NKD2: variants seen among roughly 807,000 people sequenced by gnomAD.
NKD2 encodes the protein protein naked cuticle homolog 2.
A neutral mutation model predicts 34.8 loss-of-function variants in NKD2; 43 were observed. That is an observed-to-expected ratio of 1.24 (90% CI 0.97 to 1.60). NKD2 has a LOEUF of 1.60. Among genes scored for constraint, NKD2 ranks in the 40% most tolerant of loss-of-function variants. NKD2 has a pLI of 0.00. For missense variants in NKD2, 675 were observed against 627.1 expected (o/e 1.08, Z -0.82); for synonymous variants, 278 against 265.1 (o/e 1.05, Z -0.47).
rs1463986206 is a variant in NKD2, at chr5:1,009,516, C to T, written c.97C>T (p.Arg33Cys). The change falls in exon 3 of 10, where the codon CGC (arginine) becomes TGC (cysteine). Residue 33 changes from arginine (R) to cysteine (C), a missense_variant. By Grantham distance (180) the Arg-to-Cys change is radical. Coordinates refer to ENST00000296849, the MANE Select transcript of NKD2 (RefSeq NM_033120.4). The surrounding 1 kb of genome is among the most constrained non-coding windows in gnomAD (Gnocchi z 6.9). ...SFVASAYASG[R>C]KGAEEAERRA... ...CGTGGCGTCCGCGTACGCGAGCGGCCGCAAAGGCGCGGAGGAAGCGGAGCG... is the reference window on the plus strand; with the variant it reads ...CGTGGCGTCCGCGTACGCGAGCGGCTGCAAAGGCGCGGAGGAAGCGGAGCG... 4.7e-6 allele frequency: 7 copies of T among 1,496,604 alleles called. No homozygotes were observed. The highest frequency in any genetic ancestry group is 6.2e-6 in the Non-Finnish European group (7 of 1,131,804). 92.7% of individuals were successfully genotyped at this position (1,496,604 alleles called of 1,614,324 possible). A position where few individuals can be genotyped will look rare whatever the true frequency, so the allele number is the denominator to read the frequency against.
intron 8 of NKD2, among the ~76,000 whole-genome samples, 175 bp downstream of exon 8, chr5:1,035,648 C>T (rs1186991474): frequency 6.6e-6 from 1 of 152,258 alleles, no homozygotes; most frequent in Non-Finnish European, 1.5e-5. Flanking sequence ...ATCTGGCACC[C>T]TGGCTGAGCT....
At chr5:1,020,707 T>C (rs1301153614) in intron 3 of NKD2, among the ~76,000 whole-genome samples, 4 of 144,538 alleles carry the variant, frequency 2.8e-5, no homozygotes, top group African/African-American at 1.0e-4. Context: ...GTGTTTTACG[T>C]TGGGGTTTAT....
At chr5:1,010,674 G>A (rs1375525282) in intron 3 of NKD2, among the ~76,000 whole-genome samples, 1 of 152,196 alleles carries the variant, frequency 6.6e-6, no homozygotes, top group Non-Finnish European at 1.5e-5. Flanking sequence ...AGGTCATCCA[G>A]GGAGCTGTCC....
At position 1,020,186 on chromosome 5, in the gene NKD2, G is replaced by A. The variant is rs115087651; in HGVS notation, c.141+10626G>A. Among the ~76,000 whole-genome samples, 731 of 152,290 alleles carry A rather than the reference G, an allele frequency of 4.8e-3. 1 individual carries two copies. The highest frequency in any genetic ancestry group is 7.7e-3 in the Non-Finnish European group (525 of 68,026). ...AATGGTTGTCTAACATTCAGTGTCA[G>A]CACTTCAGGATGCTGAGAGTTGAAG... On this transcript the variant is annotated intron_variant, in intron 3 of 9. Coordinates refer to ENST00000296849, the MANE Select transcript of NKD2 (RefSeq NM_033120.4).
intron 3 of NKD2, among the ~76,000 whole-genome samples, chr5:1,027,675 C>G (rs965422840): frequency 2.0e-5 from 3 of 152,174 alleles, no homozygotes; most frequent in Admixed American, 2.0e-4. Context: ...CCCAGAGGGC[C>G]GTGACTTCAC....
Position 1,038,341 on chromosome 5 carries a change from C to G in NKD2, c.1324C>G (p.His442Asp), listed in dbSNP as rs1482361505. Reference sequence around the variant, plus strand: ...CCACCACCACCACGAGCACCACCACCACCACCACCACCACCACTTCCACCC... The same window carrying G: ...CCACCACCACCACGAGCACCACCACGACCACCACCACCACCACTTCCACCC... ...EHHHHHEHHH[H>D]HHHHHFHPS is the part of the protein sequence containing the mutation. Residue 442 changes from histidine to aspartate, a missense_variant, in exon 10 of 10, where the codon CAC becomes GAC. Transcript: ENST00000296849. This position sits in a 1 kb window ranked among gnomAD's most constrained non-coding sequence, Gnocchi z 4.5. 6.5e-7 allele frequency: 1 copy of G among 1,534,152 alleles called. No homozygotes were observed. Among genetic ancestry groups the G allele is most frequent in the Non-Finnish European group, 8.7e-7 (1 of 1,146,594 alleles).
At chr5:1,025,914 C>T (rs369102564) in intron 3 of NKD2, among the ~76,000 whole-genome samples, 1,875 of 14,806 alleles carry the variant, frequency 0.13, 2 homozygotes, top group Non-Finnish European at 0.27. Context: ...CCTCTGTGGG[C>T]GTCCCAGCCC....
chr5:1,011,884 G>A (rs890910214), intron 3 of NKD2, among the ~76,000 whole-genome samples: 2 of 152,236 alleles, frequency 1.3e-5, no homozygotes, highest in South Asian at 2.1e-4. Flanking sequence ...TGCTTTTGGC[G>A]GGACCCGCAC....
intron 3 of NKD2, among the ~76,000 whole-genome samples, chr5:1,028,322 G>A (rs1756507428): frequency 6.6e-6 from 1 of 152,216 alleles, no homozygotes; most frequent in Non-Finnish European, 1.5e-5. Flanking sequence ...TGTTGTTGAC[G>A]CCGTGTGACA....
In NKD2 at chr5:1,038,594, C is replaced by T. The variant is rs762275096; in HGVS notation, c.*221C>T. 7.9e-6 allele frequency: 7 copies of T among 884,806 alleles called. No individual in the cohort carries two copies. The South Asian group carries it at 1.0e-4, about 13-fold the overall frequency. 54.8% of individuals were successfully genotyped at this position (884,806 alleles called of 1,614,324 possible). The stretch of plus-strand genomic sequence containing the variant: ...CCCTCTGCTCTTCTGCCCTCGATGC[C>T]ACATGGCGGTGAACACATCTGAAGC... On this transcript the variant is annotated 3_prime_UTR_variant, in exon 10 of 10. Transcript: ENST00000296849. The surrounding 1 kb of genome is among the most constrained non-coding windows in gnomAD (Gnocchi z 4.5).
At chr5:1,032,251 C>G in intron 4 of NKD2, 39 bp downstream of exon 4, 1 of 1,524,614 alleles carries the variant, frequency 6.6e-7, no homozygotes, top group South Asian at 1.1e-5. Context: ...CCCAAACTCA[C>G]AGACTTCATC....
chr5:1,009,944 T>C lies in NKD2; in HGVS notation c.141+384T>C, dbSNP rs1359237325. Among the ~76,000 whole-genome samples, 2 of 148,950 alleles carry C rather than the reference T, an allele frequency of 1.3e-5. No individual in the cohort carries two copies. Among genetic ancestry groups the C allele is most frequent in the African/African-American group, 2.5e-5 (1 of 40,216 alleles). On this transcript the variant is annotated intron_variant, in intron 3 of 9. Transcript: ENST00000296849. The surrounding 1 kb of genome is among the most constrained non-coding windows in gnomAD (Gnocchi z 6.9). ...ACCCCGGCTGGATGAGCTGGAGGAG[T>C]TGGAGGAGGGGTGGGAGCTACAGAC...
At position 1,009,505 on chromosome 5, in the gene NKD2, A is replaced by C; in HGVS notation, c.86A>C (p.Tyr29Ser). Residue 29 changes from tyrosine to serine, a missense_variant, in exon 3 of 10, where the codon TAC becomes TCC. Tyr to Ser is a moderately radical substitution (Grantham distance 144, BLOSUM62 -2). Transcript: ENST00000296849. The surrounding 1 kb of genome is among the most constrained non-coding windows in gnomAD (Gnocchi z 6.9). ...PEGDSFVASA[Y>S]ASGRKGAEEA... ...GGGGACAGCTTCGTGGCGTCCGCGT[A>C]CGCGAGCGGCCGCAAAGGCGCGGAG... 6.7e-7 allele frequency: 1 copy of C among 1,497,316 alleles called. No homozygotes were observed. Among genetic ancestry groups the C allele is most frequent in the Non-Finnish European group, 8.8e-7 (1 of 1,131,838 alleles). The allele number at this position is 1,497,316 out of a possible 1,614,324, so 92.8% of individuals were successfully genotyped here.
intron 9 of NKD2, chr5:1,037,497 T>C (rs768091912): frequency 6.5e-7 from 1 of 1,532,406 alleles, no homozygotes; most frequent in South Asian, 1.2e-5. Context: ...TAACCTGGCT[T>C]TCTGCCACGG....
In NKD2 at chr5:1,036,299, C is replaced by T. The variant is rs754903514; in HGVS notation, c.702C>T (p.Pro234=). The T allele has an allele frequency of 1.2e-6, 2 of 1,612,606 alleles. No homozygotes were observed. Among genetic ancestry groups the T allele is most frequent in the Non-Finnish European group, 1.7e-6 (2 of 1,179,680 alleles). Residue 234 remains proline, a synonymous_variant, in exon 9 of 10, where the codon CCC becomes CCT. Transcript: ENST00000296849. ...CCCAGCCCTGCTCGGAGCGGGGGCC[C>T]TACTGCGTGGACGAGAACACGGAGC... ...TDPQPCSERG[P]YCVDENTERR... is the part of the protein sequence containing the mutation.
Position 1,038,179 on chromosome 5 carries a change from A to T in NKD2, c.1162A>T (p.Lys388Ter). ...CTACGGCCACAAGCGGTACCGCCAA[A>T]AGGGCAGGGAGGGCCACTCGCCACT... ...PPYGHKRYRQ[K>*]GREGHSPLKA... Residue 388 changes from lysine (K) to a stop codon, truncating the protein, a stop_gained, in exon 10 of 10, where the codon AAG (lysine) becomes TAG (stop). Transcript: ENST00000296849. LOFTEE classifies it low-confidence loss of function (END_TRUNC). The surrounding 1 kb of genome is among the most constrained non-coding windows in gnomAD (Gnocchi z 4.5). The T allele has an allele frequency of 6.3e-7, 1 of 1,587,400 alleles. No individual in the cohort carries two copies. Among genetic ancestry groups the T allele is most frequent in the Non-Finnish European group, 8.6e-7 (1 of 1,168,568 alleles).
chr5:1,028,227 G>A (rs868695377), intron 3 of NKD2, among the ~76,000 whole-genome samples: 61 of 152,224 alleles, frequency 4.0e-4, no homozygotes, highest in African/African-American at 1.4e-3. Flanking sequence ...GGACGTGGAC[G>A]GTGGCCTCGG....
rs144241647 is a variant in NKD2, at chr5:1,021,947, G to A, written c.142-10205G>A. On this transcript the variant is annotated intron_variant, in intron 3 of 9. Coordinates refer to ENST00000296849, the MANE Select transcript of NKD2 (RefSeq NM_033120.4). ...CCTGCTGCTCCGGGCCCCTCCCCCA[G>A]GGCCGCCTGCAGCCTGCTGCGACCA... 1.7e-3 allele frequency among the ~76,000 whole-genome samples: 255 copies of A among 152,266 alleles called. 2 individuals are homozygous for A. In the East Asian group the frequency reaches 0.041, roughly 25 times the overall value.
At chr5:1,034,161 A>T in intron 5 of NKD2, 74 bp from the exon 6 acceptor site, 1 of 1,078,208 alleles carries the variant, frequency 9.3e-7, no homozygotes, top group Non-Finnish European at 1.4e-6. Flanking sequence ...GCCCCAGAAG[A>T]TCCTTCCCCC....
Sources: allele counts gnomAD v4.1 joint callset (sites outside exome capture counted in the v4.1 genomes callset), GRCh38; gene constraint gnomAD v4.1.1; non-coding constraint Gnocchi (gnomAD v3.1); transcripts MANE v1.5; gene names NCBI Gene and HGNC (gene_info 2026-07-23, HGNC 2026-07-21).